The following SLIT3 variants were observed in gnomAD, a reference collection of about 807,000 sequenced individuals.
The protein encoded by SLIT3 is slit homolog 3 protein.
A neutral mutation model predicts 184.0 loss-of-function variants in SLIT3; 68 were observed. That is an observed-to-expected ratio of 0.37 (90% CI 0.30 to 0.45). The LOEUF (loss-of-function observed/expected upper bound fraction) is 0.45. Among genes scored for constraint, SLIT3 ranks in the 20% least tolerant of loss-of-function variants. The pLI, the probability that SLIT3 is intolerant of heterozygous loss-of-function variation, is 1.00. For missense variants in SLIT3, 1,707 were observed against 2,026.0 expected (o/e 0.84, Z 3.02); for synonymous variants, 831 against 828.6 (o/e 1.00, Z -0.05).
intron 4 of SLIT3, among the ~76,000 whole-genome samples, chr5:168,999,409 A>C (rs1475139952): frequency 7.1e-6 from 1 of 141,766 alleles, no homozygotes; most frequent in Admixed American, 7.0e-5. Flanking sequence ...CCATCCCATA[A>C]GGTTGTTGGA....
chr5:168,913,741 C>CAAAAAA (rs67241643), intron 4 of SLIT3, among the ~76,000 whole-genome samples: 5 of 130,990 alleles, frequency 3.8e-5, no homozygotes, highest in African/African-American at 8.5e-5. Flanking sequence ...AACTCCGTCT[C>CAAAAAA]AAAAAAAAAA....
chr5:169,110,762 C>T (rs1760381412), intron 4 of SLIT3, among the ~76,000 whole-genome samples: 1 of 152,214 alleles, frequency 6.6e-6, no homozygotes, highest in African/African-American at 2.4e-5. Context: ...ATTGTAATAG[C>T]TTCCTAACGG....
At chr5:168,967,490 A>T (rs1376341620) in intron 4 of SLIT3, among the ~76,000 whole-genome samples, 1 of 67,612 alleles carries the variant, frequency 1.5e-5, no homozygotes, top group Non-Finnish European at 2.7e-5. Flanking sequence ...CCCAGGCTGG[A>T]GTGCAGTGGC....
intron 12 of SLIT3, among the ~76,000 whole-genome samples, chr5:168,775,050 T>TC (rs1755695642): frequency 6.6e-6 from 1 of 151,686 alleles, no homozygotes; most frequent in African/African-American, 2.4e-5. Flanking sequence ...TTTTTTTTTT[T>TC]TTTTGAGATG....
intron 4 of SLIT3, among the ~76,000 whole-genome samples, chr5:168,973,882 C>T (rs62377249): frequency 0.039 from 5,894 of 152,258 alleles, 157 homozygotes; most frequent in Middle Eastern, 0.065. Context: ...ATGCTTAACA[C>T]TTTGTATATA....
At chr5:168,846,845 T>G (rs542674403) in intron 5 of SLIT3, among the ~76,000 whole-genome samples, 1 of 152,222 alleles carries the variant, frequency 6.6e-6, no homozygotes, top group African/African-American at 2.4e-5. Context: ...AGACTCTACA[T>G]GTACAGAATT....
chr5:168,861,171 T>C (rs1475737282), intron 5 of SLIT3, among the ~76,000 whole-genome samples: 1 of 152,220 alleles, frequency 6.6e-6, no homozygotes, highest in Non-Finnish European at 1.5e-5. Flanking sequence ...GTTTGTTACA[T>C]ATGTATACAT....
chr5:169,231,376 C>T (rs10043016), intron 3 of SLIT3, among the ~76,000 whole-genome samples: 1 of 151,632 alleles, frequency 6.6e-6, no homozygotes, highest in Non-Finnish European at 1.5e-5. Context: ...TCGCAACTCC[C>T]CATTGCTTAA....
At chr5:168,675,552 G>A (rs538885977) in intron 32 of SLIT3, among the ~76,000 whole-genome samples, 1 of 152,180 alleles carries the variant, frequency 6.6e-6, no homozygotes, top group Non-Finnish European at 1.5e-5. Flanking sequence ...AATAAAATAA[G>A]AGAGGGTACG....
chr5:168,711,190 G>A (rs1762549093), intron 24 of SLIT3, 132 bp from the exon 25 acceptor site: 1 of 752,744 alleles, frequency 1.3e-6, no homozygotes, highest in Non-Finnish European at 2.0e-6. Flanking sequence ...CAGCGGAGTA[G>A]TCGTCTCCAC....
intron 4 of SLIT3, among the ~76,000 whole-genome samples, chr5:169,141,247 C>T (rs752153834): frequency 2.6e-5 from 4 of 152,112 alleles, no homozygotes; most frequent in Non-Finnish European, 2.9e-5. Context: ...ATACTGACTA[C>T]GACATCACCC....
chr5:169,014,042 G>A (rs1028180048), intron 4 of SLIT3, among the ~76,000 whole-genome samples: 1 of 152,102 alleles, frequency 6.6e-6, no homozygotes, highest in Non-Finnish European at 1.5e-5. Flanking sequence ...TTTGAGGTCT[G>A]CCTGCCTGGT....
chr5:168,968,386 C>T (rs1763288308), intron 4 of SLIT3, among the ~76,000 whole-genome samples: 1 of 152,208 alleles, frequency 6.6e-6, no homozygotes, highest in African/African-American at 2.4e-5. Flanking sequence ...ACTTGGACAG[C>T]AGCAGAGAGA....
At chr5:168,972,488 C>T (rs1754613774) in intron 4 of SLIT3, among the ~76,000 whole-genome samples, 1 of 151,828 alleles carries the variant, frequency 6.6e-6, no homozygotes, top group African/African-American at 2.4e-5. Context: ...GTGAGGACTC[C>T]CTAGATCTTA....
intron 4 of SLIT3, among the ~76,000 whole-genome samples, chr5:169,151,056 A>G (rs1042900496): frequency 5.3e-5 from 8 of 152,150 alleles, no homozygotes; most frequent in Admixed American, 2.6e-4. Context: ...CTCTAAAAAT[A>G]CAATTTGGGA....
intron 4 of SLIT3, among the ~76,000 whole-genome samples, chr5:169,180,541 G>A (rs1475490566): frequency 6.6e-6 from 1 of 152,192 alleles, no homozygotes; most frequent in Admixed American, 6.5e-5. Context: ...GCTGGTCCAC[G>A]GTGATGGCAA....
intron 3 of SLIT3, among the ~76,000 whole-genome samples, chr5:169,233,633 G>A (rs1163824276): frequency 6.6e-6 from 1 of 152,048 alleles, no homozygotes; most frequent in Non-Finnish European, 1.5e-5. Flanking sequence ...ACGTACCCCG[G>A]AACTTAAAAT....
At chr5:168,942,055 T>G (rs1002098401) in intron 4 of SLIT3, among the ~76,000 whole-genome samples, 4 of 152,142 alleles carry the variant, frequency 2.6e-5, no homozygotes, top group Admixed American at 6.5e-5. Flanking sequence ...GCCAGGCTAG[T>G]CTCCAGGGAG....
At chr5:169,265,847 C>A (rs1305814564) in intron 1 of SLIT3, among the ~76,000 whole-genome samples, 1 of 152,214 alleles carries the variant, frequency 6.6e-6, no homozygotes, top group Non-Finnish European at 1.5e-5. Flanking sequence ...GGCAGGACCT[C>A]CGTGCTTCTA....
Sources: gnomAD v4.1 joint callset for allele counts (sites outside exome capture counted in the v4.1 genomes callset) on GRCh38, gnomAD v4.1.1 for gene constraint, MANE v1.5 for transcripts, NCBI Gene and HGNC (gene_info 2026-07-23, HGNC 2026-07-21) for gene names.